EDA: variants seen among roughly 807,000 people sequenced by gnomAD.
The protein encoded by EDA is ectodysplasin A.
Under a neutral mutation model 23.6 loss-of-function variants are expected in EDA, and 2 were observed. The ratio of observed to expected loss-of-function variants is 0.08; its 90% CI spans 0.03 to 0.27. The LOEUF is 0.27. Ranked by LOEUF, EDA falls within the 10% of genes least tolerant of loss-of-function variation. The pLI, the probability that EDA is intolerant of heterozygous loss-of-function variation, is 1.00. For synonymous variants in EDA, 131 were observed against 132.0 expected (o/e 0.99, Z 0.05); for missense variants, 229 against 324.2 (o/e 0.71, Z 2.26).
At chrX:69,710,330 G>A (rs767611203) in intron 1 of EDA, among the ~76,000 whole-genome samples, 1,717 of 110,210 alleles carry the variant, frequency 0.016, 30 homozygotes, top group African/African-American at 0.055. Flanking sequence ...TATTTCTGAG[G>A]GCTCTGTTCT....
intron 1 of EDA, among the ~76,000 whole-genome samples, chrX:69,741,769 C>G (rs1234159934): frequency 8.9e-6 from 1 of 112,031 alleles, no homozygotes; most frequent in Non-Finnish European, 1.9e-5. Context: ...CCCTGATTCT[C>G]TTACATATGT....
chrX:69,671,722 GCTT>G (rs1362437717), intron 1 of EDA, among the ~76,000 whole-genome samples: 1 of 111,987 alleles, frequency 8.9e-6, no homozygotes, highest in African/African-American at 3.2e-5. Flanking sequence ...GTTTTCTGCT[GCTT>G]CTTTGATGTT....
chrX:69,730,358 G>T (rs1234741857), intron 1 of EDA, among the ~76,000 whole-genome samples: 1 of 67,055 alleles, frequency 1.5e-5, no homozygotes, highest in Non-Finnish European at 2.8e-5. Flanking sequence ...AAAGCATGAA[G>T]GGCCATGACT....
intron 1 of EDA, among the ~76,000 whole-genome samples, chrX:69,828,140 C>T (rs1259418447): frequency 9.0e-6 from 1 of 111,472 alleles, no homozygotes; most frequent in African/African-American, 3.3e-5. Context: ...GCAGAAGTTA[C>T]TGCTGTCTTT....
At chrX:69,829,496 T>C (rs2016552936) in intron 1 of EDA, among the ~76,000 whole-genome samples, 1 of 112,393 alleles carries the variant, frequency 8.9e-6, no homozygotes, top group African/African-American at 3.2e-5. Context: ...GAAAAAAATG[T>C]TGTTGTAATT....
At chrX:69,694,923 C>A (rs1163451456) in intron 1 of EDA, among the ~76,000 whole-genome samples, 1 of 112,199 alleles carries the variant, frequency 8.9e-6, no homozygotes, top group Non-Finnish European at 1.9e-5. Context: ...GAGAGGTATC[C>A]TTTTGAGATG....
At chrX:69,753,564 G>A (rs935877792) in intron 1 of EDA, among the ~76,000 whole-genome samples, 5 of 112,120 alleles carry the variant, frequency 4.5e-5, no homozygotes, top group Non-Finnish European at 9.4e-5. Context: ...TTGATATGGG[G>A]TGGAGAGTTC....
At chrX:69,998,195 C>T (rs373538950) in intron 2 of EDA, among the ~76,000 whole-genome samples, 7 of 112,308 alleles carry the variant, frequency 6.2e-5, no homozygotes, top group Non-Finnish European at 1.1e-4. Flanking sequence ...GAAGCTGTAC[C>T]GTGCAAAGCC....
intron 1 of EDA, among the ~76,000 whole-genome samples, chrX:69,876,240 T>G (rs2017642756): frequency 9.1e-6 from 1 of 109,858 alleles, no homozygotes; most frequent in Admixed American, 9.7e-5. Context: ...CCAGCCCAAA[T>G]GCCCATCAGT....
intron 1 of EDA, among the ~76,000 whole-genome samples, chrX:69,726,139 A>G (rs2147350334): frequency 8.9e-6 from 1 of 112,198 alleles, no homozygotes; most frequent in South Asian, 3.8e-4. Flanking sequence ...TTAGTTCAGT[A>G]TTTTACACTA....
intron 2 of EDA, among the ~76,000 whole-genome samples, chrX:70,013,878 C>G (rs968069234): frequency 8.9e-6 from 1 of 112,413 alleles, no homozygotes; most frequent in Non-Finnish European, 1.9e-5. Flanking sequence ...AGAGGCCAGT[C>G]TGTCTTCCCC....
chrX:70,033,648 A>C, intron 7 of EDA, 120 bp downstream of exon 7: 13 of 604,381 alleles, frequency 2.2e-5, no homozygotes, highest in East Asian at 5.7e-5. Context: ...GCTTTGGGTG[A>C]GGGGGTGGGG....
chrX:69,932,715 A>C (rs144093022), intron 1 of EDA, among the ~76,000 whole-genome samples: 1 of 111,894 alleles, frequency 8.9e-6, no homozygotes, highest in African/African-American at 3.2e-5. Context: ...TAATGCAGAC[A>C]ATGTTTCACT....
chrX:69,750,471 C>T (rs1021225558), intron 1 of EDA, among the ~76,000 whole-genome samples: 17 of 109,873 alleles, frequency 1.5e-4, no homozygotes, highest in African/African-American at 4.6e-4. Flanking sequence ...TGAATAGTGC[C>T]GCAGTAAACA....
chrX:69,828,620 G>A (rs2016526392), intron 1 of EDA, among the ~76,000 whole-genome samples: 1 of 112,339 alleles, frequency 8.9e-6, no homozygotes, highest in Non-Finnish European at 1.9e-5. Context: ...CTAGTGAGAT[G>A]AAACCAGTGC....
chrX:69,910,394 T>A (rs1317759984), intron 1 of EDA, among the ~76,000 whole-genome samples: 294 of 105,075 alleles, frequency 2.8e-3, no homozygotes, highest in South Asian at 8.4e-3. Context: ...TGTGTGTGTG[T>A]GTGTGTGTGT....
chrX:69,835,260 G>T (rs1455060905), intron 1 of EDA, among the ~76,000 whole-genome samples: 3 of 111,739 alleles, frequency 2.7e-5, no homozygotes, highest in African/African-American at 9.8e-5. Context: ...ATGTTGGCCT[G>T]CCTTGGTAGG....
At chrX:69,756,565 G>A (rs906173902) in intron 1 of EDA, among the ~76,000 whole-genome samples, 3 of 111,587 alleles carry the variant, frequency 2.7e-5, no homozygotes, top group African/African-American at 3.3e-5. Context: ...CTACCTAAAC[G>A]TTTCTAGAAA....
intron 1 of EDA, among the ~76,000 whole-genome samples, chrX:69,921,658 T>C (rs2018436804): frequency 9.0e-6 from 1 of 111,103 alleles, no homozygotes; most frequent in African/African-American, 3.3e-5. Flanking sequence ...GTCTTTAGTC[T>C]TACAAACTCA....
Sources: allele counts gnomAD v4.1 joint callset (sites outside exome capture counted in the v4.1 genomes callset), GRCh38; gene constraint gnomAD v4.1.1; transcripts MANE v1.5; gene names NCBI Gene and HGNC (gene_info 2026-07-23, HGNC 2026-07-21).